Variants in SPON1 observed in about 807,000 individuals in gnomAD.
SPON1 encodes spondin 1.
SPON1 carries 52 observed loss-of-function variants against 111.7 expected under a neutral mutation model. The observed-to-expected ratio is 0.47, with a 90% CI of 0.37 to 0.59. The LOEUF is 0.59. SPON1 is among the 20% of genes least tolerant of loss of function. SPON1 has a pLI of 0.00. For synonymous variants in SPON1, 410 were observed against 395.8 expected (o/e 1.04, Z -0.43); for missense variants, 957 against 1,068.5 (o/e 0.90, Z 1.46).
At chr11:13,975,922 A>T (rs58930801) in intron 1 of SPON1, among the ~76,000 whole-genome samples, 46,304 of 152,010 alleles carry the variant, frequency 0.3, 7,133 homozygotes, top group Admixed American at 0.34. Flanking sequence ...CCCCAATATC[A>T]CCATCACCAC....
At chr11:14,064,478 C>G (rs1554920182) in intron 3 of SPON1, among the ~76,000 whole-genome samples, 1 of 152,196 alleles carries the variant, frequency 6.6e-6, no homozygotes, top group African/African-American at 2.4e-5. Flanking sequence ...CACATCCACA[C>G]AGTAAAGCTG....
intron 6 of SPON1, among the ~76,000 whole-genome samples, chr11:14,243,000 G>A (rs1284371014): frequency 6.6e-6 from 1 of 152,234 alleles, no homozygotes; most frequent in Non-Finnish European, 1.5e-5. Context: ...TCTGCCCTCT[G>A]AAATGGACAT....
chr11:14,120,829 A>C lies in SPON1; in HGVS notation c.677-14591A>C, dbSNP rs11825514. ...GGATTTCCTTCCGTAACCCCATCAC[A>C]ACCATAGAAGATAGGTACTATTATT... On this transcript the variant is annotated intron_variant, in intron 5 of 15. Transcript: ENST00000576479. Among the ~76,000 whole-genome samples, 675 of 152,340 alleles carry C rather than the reference A, an allele frequency of 4.4e-3. 6 individuals are homozygous for C. Among genetic ancestry groups the C allele is most frequent in the African/African-American group, 0.015 (620 of 41,574 alleles).
At position 14,075,337 on chromosome 11, in the gene SPON1, C is replaced by G. The variant is rs782380934; in HGVS notation, c.480-8C>G. 2.6e-6 allele frequency: 4 copies of G among 1,555,310 alleles called. No homozygotes were observed. Among genetic ancestry groups the G allele is most frequent in the South Asian group, 2.4e-5 (2 of 84,312 alleles). Reference sequence around the variant, plus strand: ...TCACCACTGTGCTTGGGTCTTCTTTCTTCACAGGGCCAGCATCGTACAAAA... The same window carrying G: ...TCACCACTGTGCTTGGGTCTTCTTTGTTCACAGGGCCAGCATCGTACAAAA... On this transcript the variant is annotated splice_region_variant and splice_polypyrimidine_tract_variant and intron_variant, in intron 3 of 15. Coordinates refer to ENST00000576479, the MANE Select transcript of SPON1 (RefSeq NM_006108.4).
chr11:14,227,412 G>A (rs1848752443), intron 6 of SPON1, among the ~76,000 whole-genome samples: 1 of 152,186 alleles, frequency 6.6e-6, no homozygotes, highest in African/African-American at 2.4e-5. Flanking sequence ...ACTTTTGTGT[G>A]CCTTGAGGCC....
At chr11:14,037,792 G>A (rs1267921426) in intron 2 of SPON1, among the ~76,000 whole-genome samples, 2 of 152,158 alleles carry the variant, frequency 1.3e-5, no homozygotes, top group African/African-American at 4.8e-5. Flanking sequence ...AGAATGAGAA[G>A]ACAAGCCACA....
intron 5 of SPON1, among the ~76,000 whole-genome samples, chr11:14,104,046 C>T (rs1387180485): frequency 2.0e-5 from 3 of 152,068 alleles, no homozygotes; most frequent in African/African-American, 7.2e-5. Context: ...ATAACTTTTA[C>T]CATAATTCTA....
At chr11:14,006,234 C>T (rs1257783058) in intron 2 of SPON1, among the ~76,000 whole-genome samples, 1 of 152,136 alleles carries the variant, frequency 6.6e-6, no homozygotes, top group Non-Finnish European at 1.5e-5. Context: ...AATGCCCTTC[C>T]ACGCCAGTTT....
At position 14,259,860 on chromosome 11, in the gene SPON1, G is replaced by T. The variant is rs1339793084; in HGVS notation, c.1831+159G>T. 2.6e-5 allele frequency among the ~76,000 whole-genome samples: 4 copies of T among 152,198 alleles called. No individual in the cohort carries two copies. Among genetic ancestry groups the T allele is most frequent in the African/African-American group, 9.7e-5 (4 of 41,444 alleles). On this transcript the variant is annotated intron_variant, in intron 13 of 15. Transcript: ENST00000576479. The surrounding 1 kb of genome is among the most constrained non-coding windows in gnomAD (Gnocchi z 5.0). ...TGCTGGGAGCCAGATGAGAGACATAGGTGTGTAGACATCAACCAGACCCAG... is the reference window on the plus strand; with the variant it reads ...TGCTGGGAGCCAGATGAGAGACATATGTGTGTAGACATCAACCAGACCCAG...
intron 6 of SPON1, among the ~76,000 whole-genome samples, chr11:14,149,640 T>C (rs1847764977): frequency 6.6e-6 from 1 of 152,212 alleles, no homozygotes; most frequent in Non-Finnish European, 1.5e-5. Flanking sequence ...TCCATACAGG[T>C]GTACCATTTG....
chr11:13,995,989 TA>T (rs1453557157), intron 2 of SPON1, among the ~76,000 whole-genome samples: 2 of 152,230 alleles, frequency 1.3e-5, no homozygotes, highest in East Asian at 3.9e-4. Flanking sequence ...ACAGAGACAA[TA>T]ACCTTTGAGC....
intron 6 of SPON1, among the ~76,000 whole-genome samples, 157 bp from the exon 7 acceptor site, chr11:14,243,175 G>T (rs781870846): frequency 6.6e-6 from 1 of 152,202 alleles, no homozygotes; most frequent in Non-Finnish European, 1.5e-5. Flanking sequence ...GAGGCCCCAG[G>T]GTTCCCCCAT....
intron 5 of SPON1, among the ~76,000 whole-genome samples, chr11:14,121,443 C>T (rs1198640541): frequency 2.0e-5 from 3 of 152,042 alleles, no homozygotes; most frequent in Non-Finnish European, 2.9e-5. Flanking sequence ...AAAATAAGCT[C>T]GGGTTCAGAT....
intron 1 of SPON1, among the ~76,000 whole-genome samples, chr11:13,966,579 G>A (rs1447936895): frequency 2.0e-5 from 3 of 152,194 alleles, no homozygotes; most frequent in Non-Finnish European, 4.4e-5. Flanking sequence ...GTCCAGTAGA[G>A]GTTTCAAAAG....
At chr11:14,160,672 CATATATTTATATATATATTT>C (rs1847917803) in intron 6 of SPON1, among the ~76,000 whole-genome samples, 1 of 6,780 alleles carries the variant, frequency 1.5e-4, no homozygotes, top group African/African-American at 5.4e-4. Context: ...TATATATTTA[CATATATTTATATATATATTT>C]ATATATTTAT....
At position 14,259,728 on chromosome 11, in the gene SPON1, A is replaced by C. The variant is rs1554941722; in HGVS notation, c.1831+27A>C. The C allele has an allele frequency of 6.4e-7, 1 of 1,558,854 alleles. No homozygotes were observed. The highest frequency in any genetic ancestry group is 2.4e-5 in the East Asian group (1 of 41,856). ...TGAGTGAGAGCGGGGGTGGACTTGG[A>C]GGAGGCCACTGGGGACAGGCGTGGA... On this transcript the variant is annotated intron_variant, in intron 13 of 15. Transcript: ENST00000576479. This position sits in a 1 kb window ranked among gnomAD's most constrained non-coding sequence, Gnocchi z 5.0.
intron 5 of SPON1, among the ~76,000 whole-genome samples, chr11:14,119,832 C>G (rs761107294): frequency 1.3e-5 from 2 of 152,250 alleles, no homozygotes; most frequent in South Asian, 4.1e-4. Context: ...AGTACACAAA[C>G]GTACACCAAA....
At chr11:13,970,824 T>G (rs1242817103) in intron 1 of SPON1, among the ~76,000 whole-genome samples, 1 of 152,242 alleles carries the variant, frequency 6.6e-6, no homozygotes, top group Admixed American at 6.5e-5. Context: ...CGCCTGATTT[T>G]GTTTTCTTCA....
chr11:14,019,665 T>G (rs1848467117), intron 2 of SPON1, among the ~76,000 whole-genome samples: 1 of 152,134 alleles, frequency 6.6e-6, no homozygotes, highest in South Asian at 2.1e-4. Flanking sequence ...AGCAAGGAGT[T>G]TGGAGATAAA....
Sources: gnomAD v4.1 joint callset for allele counts (sites outside exome capture counted in the v4.1 genomes callset) on GRCh38, gnomAD v4.1.1 for gene constraint, Gnocchi (gnomAD v3.1) non-coding constraint, MANE v1.5 for transcripts, NCBI Gene and HGNC (gene_info 2026-07-23, HGNC 2026-07-21) for gene names.